MAP3K15: variants seen among roughly 807,000 people sequenced by gnomAD.
MAP3K15 encodes the protein MAPK/ERK kinase kinase 15.
A neutral mutation model predicts 99.5 loss-of-function variants in MAP3K15; 124 were observed. The observed-to-expected ratio is 1.25, with a 90% CI of 1.08 to 1.45. The LOEUF (loss-of-function observed/expected upper bound fraction) is 1.45. MAP3K15 is among the 40% of genes most tolerant of loss of function. The probability of loss-of-function intolerance (pLI) is 0.00; values close to 1 mark genes in which losing one functional copy is unlikely to be tolerated. For missense variants in MAP3K15, 1,242 were observed against 1,079.7 expected, an observed-to-expected ratio of 1.15 and a Z score of -2.11; for synonymous variants, 494 against 439.6, an observed-to-expected ratio of 1.12 and a Z score of -1.55.
intron 19 of MAP3K15, among the ~76,000 whole-genome samples, chrX:19,376,295 C>A (rs1333737808): frequency 9.0e-6 from 1 of 110,806 alleles, no homozygotes; most frequent in African/African-American, 3.3e-5. Flanking sequence ...AGGGAATCCC[C>A]GCCTTTGCCT....
intron 19 of MAP3K15, among the ~76,000 whole-genome samples, chrX:19,378,280 G>GC (rs1462739517): frequency 8.9e-6 from 1 of 112,726 alleles, no homozygotes; most frequent in Non-Finnish European, 1.9e-5. Context: ...TCAAGGCAGT[G>GC]CCCCATGGAA....
At chrX:19,497,132 T>A (rs1156557600) in intron 1 of MAP3K15, 1 of 110,046 alleles carries the variant, frequency 9.1e-6, no homozygotes, top group African/African-American at 3.3e-5. Context: ...GCACATTGGA[T>A]GCAGTATTCT....
intron 25 of MAP3K15, among the ~76,000 whole-genome samples, chrX:19,365,715 T>C (rs1357882930): frequency 2.7e-5 from 3 of 111,591 alleles, no homozygotes; most frequent in Non-Finnish European, 5.7e-5. Context: ...TTATTGAAAT[T>C]ACTGAAGGCT....
At chrX:19,379,241 C>G (rs1367959632) in intron 19 of MAP3K15, among the ~76,000 whole-genome samples, 1 of 109,920 alleles carries the variant, frequency 9.1e-6, no homozygotes, top group Non-Finnish European at 1.9e-5. Context: ...AGCCATCTCT[C>G]TGAAATGTAA....
chrX:19,450,191 C>G (rs959952523), intron 6 of MAP3K15, among the ~76,000 whole-genome samples: 1 of 109,319 alleles, frequency 9.1e-6, no homozygotes, highest in African/African-American at 3.3e-5. Flanking sequence ...TCCTATGTGC[C>G]TTGAAAGCTA....
At chrX:19,393,758 CTCTT>C (rs1299380319) in intron 16 of MAP3K15, among the ~76,000 whole-genome samples, 4 of 85,603 alleles carry the variant, frequency 4.7e-5, no homozygotes, top group African/African-American at 1.1e-4. Context: ...CACTGCCTGG[CTCTT>C]TTTTTTTTTT....
intron 1 of MAP3K15, among the ~76,000 whole-genome samples, chrX:19,505,702 G>A (rs2064471617): frequency 9.1e-6 from 1 of 110,297 alleles, no homozygotes; most frequent in Non-Finnish European, 1.9e-5. Flanking sequence ...GCTGGGAAAT[G>A]CAGTCCTTGG....
Position 19,405,232 on chromosome X carries a change from C to T in MAP3K15, c.1844+1956G>A, listed in dbSNP as rs1176782585. 9.0e-5 allele frequency among the ~76,000 whole-genome samples: 10 copies of T among 111,578 alleles called. No homozygotes were observed. The Admixed American group carries it at 9.6e-4, about 11-fold the overall frequency. On this transcript the variant is annotated intron_variant, in intron 13 of 28. Coordinates refer to ENST00000338883, the MANE Select transcript of MAP3K15 (RefSeq NM_001001671.4). ...ATAAGTGGGCAAAGTTTGGAGATAG[C>T]TGGCAAACACCACTTTCACCAGATG...
intron 12 of MAP3K15, among the ~76,000 whole-genome samples, chrX:19,408,158 G>A (rs2063660761): frequency 9.0e-6 from 1 of 111,469 alleles, no homozygotes; most frequent in Non-Finnish European, 1.9e-5. Context: ...GTTAGTTGGA[G>A]AGCCTCTGGA....
intron 11 of MAP3K15, among the ~76,000 whole-genome samples, chrX:19,412,051 A>G (rs1843300229): frequency 1.8e-5 from 2 of 111,968 alleles, no homozygotes; most frequent in African/African-American, 6.5e-5. Context: ...ATAGTGGCAG[A>G]CAGCAGGAGT....
intron 9 of MAP3K15, among the ~76,000 whole-genome samples, chrX:19,423,774 A>G (rs1359744708): frequency 9.0e-6 from 1 of 111,636 alleles, no homozygotes; most frequent in Non-Finnish European, 1.9e-5. Context: ...ACCTTGGGCC[A>G]TCCCAGATAG....
chrX:19,492,109 G>A (rs184897129), intron 1 of MAP3K15, among the ~76,000 whole-genome samples: 37 of 109,535 alleles, frequency 3.4e-4, no homozygotes, highest in African/African-American at 1.2e-3. Context: ...ACAGCTGTGA[G>A]CCACTGCTCC....
chrX:19,362,461 C>T (rs952050798), intron 26 of MAP3K15, among the ~76,000 whole-genome samples: 2 of 110,197 alleles, frequency 1.8e-5, no homozygotes, highest in African/African-American at 6.6e-5. Flanking sequence ...TCCTGAACTC[C>T]TGGGTTCAAT....
intron 12 of MAP3K15, among the ~76,000 whole-genome samples, 168 bp downstream of exon 12, chrX:19,409,756 C>T (rs2063673330): frequency 8.9e-6 from 1 of 112,397 alleles, no homozygotes. Flanking sequence ...TAGGAGTACA[C>T]TAGTATTAAT....
In MAP3K15 at chrX:19,389,266, T is replaced by C. The variant is rs1404474311; in HGVS notation, c.2431+2736A>G. On this transcript the variant is annotated intron_variant, in intron 18 of 28. Transcript: ENST00000338883. The stretch of plus-strand genomic sequence containing the variant: ...GAATTGAGTACTTCTAATGGGTGCT[T>C]TGATGATATGTCAGCTATACCTCGA... Among the ~76,000 whole-genome samples, 16 of 104,995 alleles carry C rather than the reference T, an allele frequency of 1.5e-4. 1 individual carries two copies. The highest frequency in any genetic ancestry group is 1.4e-3 in the Admixed American group (14 of 9,735). 91.2% of individuals were successfully genotyped at this position (104,995 alleles called of 115,157 possible).
intron 28 of MAP3K15, 174 bp downstream of exon 28, chrX:19,361,165 A>G: frequency 2.3e-6 from 1 of 440,553 alleles, no homozygotes; most frequent in Non-Finnish European, 3.9e-6. Context: ...TCACATTCCT[A>G]TTTCTGACTT....
rs1219448639 is a variant in MAP3K15, at chrX:19,505,671, G to A, written c.361+9230C>T. ...CTCACCTATATGGTAGTAAGGATGA[G>A]TCTACATAGACTCAAAGGATGCTGG... On this transcript the variant is annotated intron_variant, in intron 1 of 28. Transcript: ENST00000338883. 1.8e-5 allele frequency among the ~76,000 whole-genome samples: 2 copies of A among 111,025 alleles called. 1 individual carries two copies. The highest frequency in any genetic ancestry group is 3.8e-5 in the Non-Finnish European group (2 of 53,013).
At position 19,360,708 on chromosome X, in the gene MAP3K15, T is replaced by G. The variant is rs762963142; in HGVS notation, c.*41A>C. On this transcript the variant is annotated 3_prime_UTR_variant, in exon 29 of 29. Coordinates refer to ENST00000338883, the MANE Select transcript of MAP3K15 (RefSeq NM_001001671.4). ...CTAACAGAAGCTTTAACAAAACATGTAGCGTGGTGGGACACTCTGCCACAG... is the reference window on the plus strand; with the variant it reads ...CTAACAGAAGCTTTAACAAAACATGGAGCGTGGTGGGACACTCTGCCACAG... 1 of 1,027,609 alleles carries G rather than the reference T, an allele frequency of 9.7e-7. No homozygotes were observed. Among genetic ancestry groups the G allele is most frequent in the Non-Finnish European group, 1.4e-6 (1 of 734,457 alleles). 84.7% of individuals were successfully genotyped at this position (1,027,609 alleles called of 1,213,427 possible).
chrX:19,495,941 G>A (rs1266147923), intron 1 of MAP3K15, among the ~76,000 whole-genome samples: 3 of 111,073 alleles, frequency 2.7e-5, no homozygotes, highest in Non-Finnish European at 5.7e-5. Flanking sequence ...AGGTGACAGA[G>A]TGAGACCCCA....
Sources: gnomAD v4.1 joint callset for allele counts (sites outside exome capture counted in the v4.1 genomes callset) on GRCh38, gnomAD v4.1.1 for gene constraint, MANE v1.5 for transcripts, NCBI Gene and HGNC (gene_info 2026-07-23, HGNC 2026-07-21) for gene names.